Variants in CDH12 observed in about 807,000 individuals in gnomAD.
The protein encoded by CDH12 is cadherin 12.
A neutral mutation model predicts 74.1 loss-of-function variants in CDH12; 41 were observed. The observed-to-expected ratio is 0.55, with a 90% CI of 0.43 to 0.72. The LOEUF is 0.72. CDH12 is among the 30% of genes least tolerant of loss of function. CDH12 has a pLI of 0.00. For synonymous variants in CDH12, 399 were observed against 355.0 expected (o/e 1.12, Z -1.39); for missense variants, 945 against 977.2 (o/e 0.97, Z 0.44).
intron 5 of CDH12, among the ~76,000 whole-genome samples, chr5:22,010,650 A>T (rs1274985998): frequency 6.6e-6 from 1 of 152,160 alleles, no homozygotes; most frequent in East Asian, 1.9e-4. Flanking sequence ...ATGGGTAAGG[A>T]TACAGAATTG....
rs182546628 is a variant in CDH12 at position 22,336,750 on chromosome 5, G to A, written c.-333+68507C>T. Reference sequence around the variant, plus strand: ...GGCAGAAGTTTGCTGCAGGGGTGGGGCCCTCATGAAGAACCTCTGCTAGGG... The same window carrying A: ...GGCAGAAGTTTGCTGCAGGGGTGGGACCCTCATGAAGAACCTCTGCTAGGG... On this transcript the variant is annotated intron_variant, in intron 3 of 14. Coordinates refer to ENST00000382254, the MANE Select transcript of CDH12 (RefSeq NM_004061.5). 1.7e-4 allele frequency among the ~76,000 whole-genome samples: 26 copies of A among 152,338 alleles called. No homozygotes were observed. In the East Asian group the frequency reaches 4.8e-3, roughly 28 times the overall value.
intron 6 of CDH12, among the ~76,000 whole-genome samples, chr5:21,922,984 A>ATATCTATATC (rs1561301664): frequency 4.7e-5 from 4 of 84,960 alleles, no homozygotes; most frequent in African/African-American, 1.6e-4. Flanking sequence ...ATATCTATAT[A>ATATCTATATC]TGGAGAGAAG....
chr5:22,274,568 G>A (rs1199183840), intron 3 of CDH12, among the ~76,000 whole-genome samples: 2 of 151,816 alleles, frequency 1.3e-5, no homozygotes, highest in Admixed American at 1.3e-4. Flanking sequence ...GTATCATTTT[G>A]ACTCTTTTGA....
rs943356137 is a variant in CDH12, at chr5:22,561,114, A to G, written c.-522-55750T>C. 5.9e-5 allele frequency among the ~76,000 whole-genome samples: 9 copies of G among 152,182 alleles called. No individual in the cohort carries two copies. In the South Asian group the frequency reaches 1.9e-3, roughly 31 times the overall value. The stretch of plus-strand genomic sequence containing the variant: ...TTTTAGTTGAAAAATAAAGGTTTTG[A>G]ACTATTGTTCAAAACTATTATTTTG... On this transcript the variant is annotated intron_variant, in intron 1 of 14. Coordinates refer to ENST00000382254, the MANE Select transcript of CDH12 (RefSeq NM_004061.5).
chr5:22,583,195 A>C (rs1273292582), intron 1 of CDH12, among the ~76,000 whole-genome samples: 3 of 152,202 alleles, frequency 2.0e-5, no homozygotes, highest in Non-Finnish European at 2.9e-5. Context: ...ATCTTTAAGG[A>C]CTGTTCTATA....
chr5:22,310,048 T>C (rs1375255522), intron 3 of CDH12, among the ~76,000 whole-genome samples: 2 of 151,838 alleles, frequency 1.3e-5, no homozygotes, highest in East Asian at 3.9e-4. Flanking sequence ...ATACCTAATG[T>C]AGATGACAGG....
At chr5:22,277,167 C>A (rs1736669461) in intron 3 of CDH12, among the ~76,000 whole-genome samples, 1 of 152,164 alleles carries the variant, frequency 6.6e-6, no homozygotes, top group Admixed American at 6.5e-5. Context: ...AACTTTGAAG[C>A]CTGCTTCCCA....
chr5:21,761,535 G>A (rs908882629), intron 12 of CDH12, among the ~76,000 whole-genome samples: 1 of 152,104 alleles, frequency 6.6e-6, no homozygotes, highest in African/African-American at 2.4e-5. Flanking sequence ...ATTTGAATCT[G>A]CAAGAGGAAG....
In CDH12 at chr5:22,080,866, G is replaced by A. The variant is rs184157090; in HGVS notation, c.-186-2004C>T. ...GTAATCTCAGCTCATTGCAATCTCC[G>A]CCTCCTGGGTTCAACTGATTCTTCT... is the stretch of plus-strand genomic sequence containing the variant. On this transcript the variant is annotated intron_variant, in intron 4 of 14. Transcript: ENST00000382254. 3.7e-3 allele frequency among the ~76,000 whole-genome samples: 566 copies of A among 151,804 alleles called. 2 individuals are homozygous for A. Among genetic ancestry groups the A allele is most frequent in the Non-Finnish European group, 5.0e-3 (342 of 67,970 alleles).
intron 1 of CDH12, among the ~76,000 whole-genome samples, chr5:22,743,274 ATATATATG>A (rs1452257667): frequency 1.2e-4 from 4 of 33,898 alleles, no homozygotes; most frequent in South Asian, 1.3e-3. Flanking sequence ...ATATATATAT[ATATATATG>A]TATATATATG....
intron 2 of CDH12, among the ~76,000 whole-genome samples, chr5:22,436,823 CG>C (rs1744415807): frequency 6.6e-6 from 1 of 152,096 alleles, no homozygotes; most frequent in Admixed American, 6.6e-5. Context: ...GAGAGAAGGT[CG>C]TTACCCTTTA....
At chr5:21,832,975 A>ATATATATAATATCATATATTAATATAT (rs1749156605) in intron 8 of CDH12, among the ~76,000 whole-genome samples, 1 of 94,300 alleles carries the variant, frequency 1.1e-5, no homozygotes, top group African/African-American at 4.2e-5. Flanking sequence ...ATATGATATA[A>ATATATATAATATCATATATTAATATAT]TATATATAAT....
intron 3 of CDH12, among the ~76,000 whole-genome samples, chr5:22,367,530 G>C (rs1340028699): frequency 1.3e-5 from 2 of 152,154 alleles, no homozygotes; most frequent in African/African-American, 2.4e-5. Flanking sequence ...TAAGTGCTGA[G>C]TCTGATGTCA....
In CDH12 at chr5:22,830,364, T is replaced by A. The variant is rs559575624; in HGVS notation, c.-523+22694A>T. Among the ~76,000 whole-genome samples, 16 of 152,264 alleles carry A rather than the reference T, an allele frequency of 1.1e-4. No individual in the cohort carries two copies. The East Asian group carries it at 2.1e-3, about 20-fold the overall frequency. On this transcript the variant is annotated intron_variant, in intron 1 of 14. Transcript: ENST00000382254. ...TTATGTATGTATACATGTATATATA[T>A]GCCAATAATAATTTCATTACAGCAT...
At chr5:22,155,542 A>C (rs2150314721) in intron 4 of CDH12, among the ~76,000 whole-genome samples, 1 of 152,306 alleles carries the variant, frequency 6.6e-6, no homozygotes, top group South Asian at 2.1e-4. Flanking sequence ...AATTAAGCCT[A>C]GTCTATATGT....
At chr5:22,485,621 C>G (rs1746560826) in intron 2 of CDH12, among the ~76,000 whole-genome samples, 1 of 152,074 alleles carries the variant, frequency 6.6e-6, no homozygotes. Flanking sequence ...ATAGTTTTAT[C>G]TTCCATTTTC....
chr5:22,425,172 A>ATATAAATATAT (rs1554039892), intron 2 of CDH12, among the ~76,000 whole-genome samples: 8 of 83,454 alleles, frequency 9.6e-5, no homozygotes, highest in African/African-American at 3.1e-4. Flanking sequence ...TATATATATA[A>ATATAAATATAT]ATATATATAT....
intron 3 of CDH12, among the ~76,000 whole-genome samples, chr5:22,293,517 C>T (rs1458224173): frequency 1.3e-5 from 2 of 152,122 alleles, no homozygotes; most frequent in African/African-American, 4.8e-5. Context: ...TTTCTGCACT[C>T]TCATTTTTAT....
intron 2 of CDH12, among the ~76,000 whole-genome samples, chr5:22,467,787 A>G (rs192544742): frequency 6.6e-6 from 1 of 152,294 alleles, no homozygotes; most frequent in East Asian, 1.9e-4. Flanking sequence ...CCTGAAATCA[A>G]TTTTATCAAA....
Sources: allele counts gnomAD v4.1 joint callset (sites outside exome capture counted in the v4.1 genomes callset), GRCh38; gene constraint gnomAD v4.1.1; transcripts MANE v1.5; gene names NCBI Gene and HGNC (gene_info 2026-07-23, HGNC 2026-07-21).